Variants in DRAM1 observed in about 807,000 individuals in gnomAD.
DRAM1 encodes the protein DNA damage regulated autophagy modulator 1, also known as DNA damage-regulated autophagy modulator protein 1.
Under a neutral mutation model 28.5 loss-of-function variants are expected in DRAM1, and 25 were observed. That is an observed-to-expected ratio of 0.88 (90% CI 0.64 to 1.23). DRAM1 has a LOEUF of 1.23. Among genes scored for constraint, DRAM1 ranks in the 50% most tolerant of loss-of-function variants. DRAM1 has a pLI of 0.00. For synonymous variants in DRAM1, 113 were observed against 114.2 expected, an observed-to-expected ratio of 0.99 and a Z score of 0.07; for missense variants, 249 against 299.2, an observed-to-expected ratio of 0.83 and a Z score of 1.24.
chr12:101,901,078 GGTGTGTGTGTGTGTGTGTGTGT>G (rs67125604), intron 2 of DRAM1, among the ~76,000 whole-genome samples, 191 bp from the exon 3 acceptor site: 2 of 143,050 alleles, frequency 1.4e-5, no homozygotes, highest in South Asian at 2.3e-4. Context: ...ACAGCCAAGG[GGTGTGTGTGTGTGTGTGTGTGT>G]GTGTGTGTGT....
chr12:101,917,883 G>A (rs188802631), intron 5 of DRAM1, among the ~76,000 whole-genome samples: 194 of 152,258 alleles, frequency 1.3e-3, no homozygotes, highest in Admixed American at 0.012. Flanking sequence ...ACCGCATAGC[G>A]GAGCAGTTCA....
intron 1 of DRAM1, among the ~76,000 whole-genome samples, chr12:101,882,264 C>A (rs1594289235): frequency 1.3e-5 from 2 of 150,676 alleles, no homozygotes; most frequent in African/African-American, 4.8e-5. Context: ...GCCCGCCACC[C>A]CTCCCGGCTA....
chr12:101,892,247 T>A (rs970934627), intron 1 of DRAM1, among the ~76,000 whole-genome samples: 24 of 150,728 alleles, frequency 1.6e-4, no homozygotes, highest in African/African-American at 3.9e-4. Flanking sequence ...TTTTTATTTT[T>A]TTTTTTGAGA....
intron 1 of DRAM1, among the ~76,000 whole-genome samples, chr12:101,888,255 G>A (rs968121508): frequency 2.6e-5 from 4 of 151,664 alleles, no homozygotes; most frequent in South Asian, 2.1e-4. Flanking sequence ...TCAGCCTCCC[G>A]AGTAGCTGGG....
intron 1 of DRAM1, among the ~76,000 whole-genome samples, chr12:101,883,259 G>C (rs1872750607): frequency 6.7e-6 from 1 of 150,232 alleles, no homozygotes; most frequent in Non-Finnish European, 1.5e-5. Flanking sequence ...TTGGCAGATG[G>C]GGAAAAAGGA....
chr12:101,892,129 A>T (rs1338359886), intron 1 of DRAM1, among the ~76,000 whole-genome samples: 2 of 152,242 alleles, frequency 1.3e-5, no homozygotes, highest in African/African-American at 4.8e-5. Flanking sequence ...AAAGCAAAAA[A>T]CAAACCAACA....
rs1477575185 is a variant in DRAM1 at position 101,908,255 on chromosome 12, C to T, written c.412C>T (p.Leu138Phe). The T allele has an allele frequency of 1.9e-6, 3 of 1,614,148 alleles. No homozygotes were observed. The highest frequency in any genetic ancestry group is 1.7e-5 in the Admixed American group (1 of 60,022). Residue 138 changes from leucine to phenylalanine, a missense_variant, in exon 4 of 7, where the codon CTC becomes TTC. Coordinates refer to ENST00000258534, the MANE Select transcript of DRAM1 (RefSeq NM_018370.3). ...LAFVCGVVYT[L>F]LQSIISYKSC... The stretch of plus-strand genomic sequence containing the variant: ...CTTTGTCTGTGGTGTCGTGTACACG[C>T]TCCTACAGTCCATCATCTCTTACAA...
At chr12:101,888,895 T>A (rs533035497) in intron 1 of DRAM1, among the ~76,000 whole-genome samples, 1 of 148,334 alleles carries the variant, frequency 6.7e-6, no homozygotes, top group African/African-American at 2.5e-5. Flanking sequence ...GCGTCTGCCT[T>A]CCGGGCTCAA....
At chr12:101,914,689 G>A (rs1430508591) in intron 5 of DRAM1, among the ~76,000 whole-genome samples, 2 of 151,986 alleles carry the variant, frequency 1.3e-5, no homozygotes, top group Non-Finnish European at 2.9e-5. Context: ...ACAGAGTCTC[G>A]CTCTGTCACC....
chr12:101,921,377 C>A lies in DRAM1; in HGVS notation c.*117C>A. 1.3e-6 allele frequency: 1 copy of A among 766,516 alleles called. No individual in the cohort carries two copies. 47.5% of individuals were successfully genotyped at this position (766,516 alleles called of 1,614,324 possible). Reference sequence around the variant, plus strand: ...TATTGGGATGCATCTGCAGCACATCCAGGACTTGAATTTCATTACGAGTTC... The same window carrying A: ...TATTGGGATGCATCTGCAGCACATCAAGGACTTGAATTTCATTACGAGTTC... On this transcript the variant is annotated 3_prime_UTR_variant, in exon 7 of 7. Transcript: ENST00000258534.
At chr12:101,903,703 A>G (rs1566127024) in intron 3 of DRAM1, among the ~76,000 whole-genome samples, 1 of 152,154 alleles carries the variant, frequency 6.6e-6, no homozygotes, top group Non-Finnish European at 1.5e-5. Flanking sequence ...AAAAAAATGA[A>G]TAAGTATGTG....
At chr12:101,882,777 G>A (rs1016132549) in intron 1 of DRAM1, among the ~76,000 whole-genome samples, 2 of 149,780 alleles carry the variant, frequency 1.3e-5, no homozygotes, top group African/African-American at 4.9e-5. Context: ...TGGGACTTGG[G>A]CAATATCTAT....
intron 2 of DRAM1, among the ~76,000 whole-genome samples, chr12:101,900,380 A>G (rs1873553922): frequency 1.3e-5 from 2 of 152,258 alleles, no homozygotes; most frequent in Admixed American, 6.5e-5. Flanking sequence ...ATGATGTAAG[A>G]TACAAGATAC....
rs1873058489 is a variant in DRAM1 at position 101,890,210 on chromosome 12, C to G, written c.132-7653C>G. On this transcript the variant is annotated intron_variant, in intron 1 of 6. Coordinates refer to ENST00000258534, the MANE Select transcript of DRAM1 (RefSeq NM_018370.3). ...TCTCCTGCCTCAGCCACCCGAGTAG[C>G]TGGGATTACAGGTATGTGCCACCAC... 8.4e-6 allele frequency: 3 copies of G among 358,418 alleles called. 1 individual carries two copies. The highest frequency in any genetic ancestry group is 6.3e-5 in the South Asian group (3 of 47,404). 22.2% of individuals were successfully genotyped at this position (358,418 alleles called of 1,614,324 possible). A position where few individuals can be genotyped will look rare whatever the true frequency, so the allele number is the denominator to read the frequency against.
intron 1 of DRAM1, among the ~76,000 whole-genome samples, chr12:101,893,747 C>T (rs148674692): frequency 4.3e-4 from 65 of 151,092 alleles, no homozygotes; most frequent in Non-Finnish European, 8.4e-4. Flanking sequence ...AGTCAATGCT[C>T]AGTAAGTGGT....
At position 101,903,958 on chromosome 12, in the gene DRAM1, CACA is replaced by C. The variant is rs1566127251; in HGVS notation, c.342+2526_342+2528del. On this transcript the variant is annotated intron_variant, in intron 3 of 6. Coordinates refer to ENST00000258534, the MANE Select transcript of DRAM1 (RefSeq NM_018370.3). The stretch of plus-strand genomic sequence containing the variant: ...ACACACACACACACACACACACACA[CACA>C]CCCCTATAAGCCTCATAAATATGAA... Among the ~76,000 whole-genome samples the C allele has an allele frequency of 7.3e-3, 926 of 126,660 alleles. 7 individuals carry two copies. Among genetic ancestry groups the C allele is most frequent in the African/African-American group, 0.041 (872 of 21,302 alleles). The allele number at this position is 126,660 out of a possible 152,430, so 83.1% of individuals were successfully genotyped here.
chr12:101,908,322 G>C lies in DRAM1; in HGVS notation c.479G>C (p.Arg160Pro). Residue 160 changes from arginine to proline, a missense_variant, in exon 4 of 7, where the codon CGG (arginine) becomes CCG (proline). By Grantham distance (103) the Arg-to-Pro change is moderately radical. This residue lies in a region of DRAM1 where 218 missense variants were observed against 243.1 expected (regional missense o/e 0.90). Coordinates refer to ENST00000258534, the MANE Select transcript of DRAM1 (RefSeq NM_018370.3). ...QWNSLSTCHI[R>P]MVISAVSCAA... ...AACAGTCTCTCGACATGCCACATAC[G>C]GATGGTCATCTCTGCCGTTTCTTGC... 4 of 1,613,272 alleles carry C rather than the reference G, an allele frequency of 2.5e-6. No individual in the cohort carries two copies. The highest frequency in any genetic ancestry group is 3.4e-6 in the Non-Finnish European group (4 of 1,179,834).
intron 1 of DRAM1, among the ~76,000 whole-genome samples, chr12:101,888,003 A>G (rs923568020): frequency 3.9e-5 from 6 of 152,226 alleles, no homozygotes; most frequent in African/African-American, 1.4e-4. Context: ...ACGTATTCTG[A>G]CATGATGTTA....
chr12:101,881,271 CTCTT>C (rs1209308329), intron 1 of DRAM1, among the ~76,000 whole-genome samples: 2 of 152,116 alleles, frequency 1.3e-5, no homozygotes, highest in Non-Finnish European at 2.9e-5. Context: ...CTGAGTGAGA[CTCTT>C]TCTCAAAAAA....
Sources: gnomAD v4.1 joint callset for allele counts (sites outside exome capture counted in the v4.1 genomes callset) on GRCh38, gnomAD v4.1.1 for gene constraint, gnomAD v4.1.1 regional missense constraint, MANE v1.5 for transcripts, NCBI Gene and HGNC (gene_info 2026-07-23, HGNC 2026-07-21) for gene names.